Variants in PAX2 observed in about 807,000 individuals in gnomAD.
PAX2 encodes the protein paired box 2, also known as paired box protein Pax-2.
In PAX2, 9 loss-of-function variants were observed where a neutral mutation model predicts 41.7. The observed-to-expected ratio is 0.22, with a 90% CI of 0.13 to 0.38. PAX2 has a LOEUF of 0.38. Among genes scored for constraint, PAX2 ranks in the 10% least tolerant of loss-of-function variants. The pLI is 1.00. For synonymous variants in PAX2, 221 were observed against 212.7 expected (o/e 1.04, Z -0.34); for missense variants, 418 against 531.6 (o/e 0.79, Z 2.10).
At chr10:100,742,498 G>C (rs912594765), upstream of PAX2, among the ~76,000 whole-genome samples, 3 of 148,694 alleles carry the variant, frequency 2.0e-5, no homozygotes, top group African/African-American at 7.5e-5. Flanking sequence ...TGGCAGGGAA[G>C]GGAGCCGAGA....
chr10:100,786,915 G>A lies in PAX2; in HGVS notation c.616+5550G>A, dbSNP rs761671237. 2.3e-6 allele frequency: 3 copies of A among 1,331,962 alleles called. No individual in the cohort carries two copies. In the East Asian group the frequency reaches 1.2e-4, roughly 52 times the overall value. The allele number at this position is 1,331,962 out of a possible 1,614,324, so 82.5% of individuals were successfully genotyped here. A position where few individuals can be genotyped will look rare whatever the true frequency, so the allele number is the denominator to read the frequency against. On this transcript the variant is annotated intron_variant, in intron 5 of 9. Transcript: ENST00000355243. ...CCTGCCTGTCTTTCGGGATCTCTCA[G>A]TGTTTGTCTGTCTCTTATTTGCTCT...
At chr10:100,819,492 C>G (rs1006320312) in intron 7 of PAX2, among the ~76,000 whole-genome samples, 1 of 152,134 alleles carries the variant, frequency 6.6e-6, no homozygotes, top group Non-Finnish European at 1.5e-5. Context: ...ATCACTTGAA[C>G]CCAGGAAGCA....
Position 100,779,585 on chromosome 10 carries a change from T to C in PAX2, c.496+2T>C. ...TGACCGCCCCTGGCCACACCATTGG[T>C]AAGAGGGCTCAGGGAAGGGGAGGAA... is the stretch of plus-strand genomic sequence containing the variant. On this transcript the variant is annotated splice_donor_variant, in intron 4 of 9. Transcript: ENST00000355243. LOFTEE classifies it high-confidence loss of function. The C allele has an allele frequency of 6.3e-7, 1 of 1,576,342 alleles. No homozygotes were observed. Among genetic ancestry groups the C allele is most frequent in the Non-Finnish European group, 8.6e-7 (1 of 1,159,350 alleles).
At chr10:100,788,034 G>T (rs983206979) in intron 5 of PAX2, among the ~76,000 whole-genome samples, 2 of 152,124 alleles carry the variant, frequency 1.3e-5, no homozygotes, top group Non-Finnish European at 2.9e-5. Context: ...GGTGACATTT[G>T]AATTTACAAT....
At position 100,748,157 on chromosome 10, in the gene PAX2, G is replaced by T. The variant is rs908749570; in HGVS notation, c.44-1589G>T. ...TCCCATCCCCACCCCTTAGACTGGG[G>T]CTGAGGGGCCGGGCCCTGAGCCCGG... On this transcript the variant is annotated intron_variant, in intron 1 of 9. Transcript: ENST00000355243. The surrounding 1 kb of genome is among the most constrained non-coding windows in gnomAD (Gnocchi z 5.0). The T allele has an allele frequency of 1.0e-6, 1 of 985,204 alleles. No homozygotes were observed. Among genetic ancestry groups the T allele is most frequent in the East Asian group, 1.2e-4 (1 of 8,692 alleles). 61.0% of individuals were successfully genotyped at this position (985,204 alleles called of 1,614,324 possible). A position where few individuals can be genotyped will look rare whatever the true frequency, so the allele number is the denominator to read the frequency against.
chr10:100,749,379 T>C, intron 1 of PAX2: 1 of 1,078,778 alleles, frequency 9.3e-7, no homozygotes, highest in Non-Finnish European at 1.1e-6. Flanking sequence ...TCCAGTCCTC[T>C]GCCAGGCCCT....
chr10:100,815,061 G>A (rs1171142631), intron 7 of PAX2, among the ~76,000 whole-genome samples: 1 of 152,196 alleles, frequency 6.6e-6, no homozygotes, highest in Non-Finnish European at 1.5e-5. Context: ...CAGCAAAGTG[G>A]CCTTTTAGCA....
At chr10:100,802,959 C>T (rs1847618286) in intron 5 of PAX2, among the ~76,000 whole-genome samples, 1 of 152,170 alleles carries the variant, frequency 6.6e-6, no homozygotes, top group Admixed American at 6.5e-5. Context: ...TTCCTCCTTG[C>T]CGTCCCGTCT....
chr10:100,773,721 T>G (rs1261439177), intron 3 of PAX2, among the ~76,000 whole-genome samples: 1 of 152,150 alleles, frequency 6.6e-6, no homozygotes, highest in Non-Finnish European at 1.5e-5. Flanking sequence ...TCTCAGTGGC[T>G]TGTTCTGCTC....
At chr10:100,777,398 CTT>C (rs56136871) in intron 3 of PAX2, among the ~76,000 whole-genome samples, 9 of 121,886 alleles carry the variant, frequency 7.4e-5, no homozygotes, top group Non-Finnish European at 6.9e-5. Flanking sequence ...CGCATCTGGC[CTT>C]TTTTTTTTTT....
At chr10:100,742,724 G>A (rs1845005253), upstream of PAX2, among the ~76,000 whole-genome samples, 1 of 152,000 alleles carries the variant, frequency 6.6e-6, no homozygotes, top group Non-Finnish European at 1.5e-5. Flanking sequence ...GAGAGAAAAG[G>A]TTCATTTAGA....
At chr10:100,749,721 G>A (rs373478824) in intron 1 of PAX2, 25 bp from the exon 2 acceptor site, 2 of 1,604,180 alleles carry the variant, frequency 1.2e-6, no homozygotes, top group Non-Finnish European at 1.7e-6. Context: ...GTGGGGTGTT[G>A]TGTTTTTTTC....
At chr10:100,820,318 A>G (rs575159619) in intron 7 of PAX2, among the ~76,000 whole-genome samples, 4 of 152,210 alleles carry the variant, frequency 2.6e-5, no homozygotes, top group Non-Finnish European at 5.9e-5. Context: ...ATCATTTACT[A>G]GCTGTGTAGT....
chr10:100,804,271 T>TACACACACAC lies in PAX2; in HGVS notation c.617-2143_617-2134dup, dbSNP rs10639967. ...GAGGACAAAGCTTCAGTTCAGCCCC[T>TACACACACAC]ACACACACACACACACACACACACA... On this transcript the variant is annotated intron_variant, in intron 5 of 9. Transcript: ENST00000355243. Among the ~76,000 whole-genome samples, 972 of 147,852 alleles carry TACACACACAC rather than the reference T, an allele frequency of 6.6e-3. 18 individuals carry two copies. Among genetic ancestry groups the TACACACACAC allele is most frequent in the African/African-American group, 0.023 (896 of 39,768 alleles).
intron 5 of PAX2, among the ~76,000 whole-genome samples, chr10:100,787,323 G>T (rs1846909263): frequency 6.6e-6 from 1 of 152,128 alleles, no homozygotes; most frequent in Non-Finnish European, 1.5e-5. Context: ...CAAAAGCAAA[G>T]GAGACCTGGA....
Position 100,829,681 on chromosome 10 carries a change from A to G in PAX2, c.*2062A>G. ...AGAGAAAAGAGAATCGTTTAAGGGA[A>G]CCCGGCGCCCAGCCAGGCTCCAGTG... On this transcript the variant is annotated 3_prime_UTR_variant, in exon 10 of 10. Coordinates refer to ENST00000355243, the MANE Select transcript of PAX2 (RefSeq NM_000278.5). The G allele has an allele frequency of 4.9e-6, 1 of 203,602 alleles. No homozygotes were observed. The highest frequency in any genetic ancestry group is 1.0e-5 in the Non-Finnish European group (1 of 98,580). 12.6% of individuals were successfully genotyped at this position (203,602 alleles called of 1,614,324 possible).
At chr10:100,815,744 C>T (rs944411736) in intron 7 of PAX2, among the ~76,000 whole-genome samples, 4 of 152,186 alleles carry the variant, frequency 2.6e-5, no homozygotes, top group African/African-American at 7.2e-5. Flanking sequence ...AATCCACTGT[C>T]GGGATCAGAG....
intron 3 of PAX2, among the ~76,000 whole-genome samples, chr10:100,752,419 T>C (rs1393152595): frequency 6.6e-6 from 1 of 152,192 alleles, no homozygotes; most frequent in African/African-American, 2.4e-5. Flanking sequence ...AGCTTTGGGC[T>C]GAGGCAAGAG....
rs180947997 is a variant in PAX2, at chr10:100,811,655, G to T, written c.919+2419G>T. On this transcript the variant is annotated intron_variant, in intron 7 of 9. Coordinates refer to ENST00000355243, the MANE Select transcript of PAX2 (RefSeq NM_000278.5). ...CACTGACCTCAAAGAGTCTTTAAAA[G>T]CTTATTTTCTTGGCAAATATTAAGG... 2.6e-5 allele frequency among the ~76,000 whole-genome samples: 4 copies of T among 152,358 alleles called. No individual in the cohort carries two copies. In the East Asian group the frequency reaches 7.7e-4, roughly 29 times the overall value.
Sources: allele counts gnomAD v4.1 joint callset (sites outside exome capture counted in the v4.1 genomes callset), GRCh38; gene constraint gnomAD v4.1.1; non-coding constraint Gnocchi (gnomAD v3.1); transcripts MANE v1.5; gene names NCBI Gene and HGNC (gene_info 2026-07-23, HGNC 2026-07-21).